NTNG1: variants seen among roughly 807,000 people sequenced by gnomAD.
NTNG1 encodes netrin G1, also known as netrin-G1.
Under a neutral mutation model 54.0 loss-of-function variants are expected in NTNG1, and 16 were observed. The observed-to-expected ratio is 0.30, with a 90% CI of 0.20 to 0.45. NTNG1 has a LOEUF of 0.45. Among genes scored for constraint, NTNG1 ranks in the 20% least tolerant of loss-of-function variants. The pLI is 1.00. For missense variants in NTNG1, 530 were observed against 678.7 expected (o/e 0.78, Z 2.43); for synonymous variants, 255 against 263.1 (o/e 0.97, Z 0.30).
chr1:107,291,332 T>C (rs899963262), intron 2 of NTNG1, among the ~76,000 whole-genome samples: 2 of 152,180 alleles, frequency 1.3e-5, no homozygotes, highest in Admixed American at 1.3e-4. Context: ...TAACCAATTC[T>C]TTATTTTATC....
Position 107,381,926 on chromosome 1 carries a change from A to G in NTNG1, c.888-13228A>G, listed in dbSNP as rs1671670142. On this transcript the variant is annotated intron_variant, in intron 3 of 7. Transcript: ENST00000370068. ...GTTTACCTTCTATCAGGTTGGCAGT[A>G]TTGTAATTAAAAGGACTTGTCTCTC... 3.3e-5 allele frequency among the ~76,000 whole-genome samples: 5 copies of G among 152,164 alleles called. No homozygotes were observed. In the South Asian group the frequency reaches 1.0e-3, roughly 32 times the overall value.
chr1:107,470,066 G>T (rs1677882239), intron 7 of NTNG1, among the ~76,000 whole-genome samples: 1 of 152,110 alleles, frequency 6.6e-6, no homozygotes, highest in Non-Finnish European at 1.5e-5. Flanking sequence ...AGCTCTGATG[G>T]TTCCATTCAC....
chr1:107,165,024 A>G (rs899797738), intron 2 of NTNG1, among the ~76,000 whole-genome samples: 1 of 152,024 alleles, frequency 6.6e-6, no homozygotes, highest in African/African-American at 2.4e-5. Flanking sequence ...GAGTGGGGTG[A>G]GTAGTTTGGC....
chr1:107,168,071 C>A (rs1655941775), intron 2 of NTNG1, among the ~76,000 whole-genome samples: 1 of 151,998 alleles, frequency 6.6e-6, no homozygotes, highest in Non-Finnish European at 1.5e-5. Context: ...CACAGTATAA[C>A]TAAAGGGAGC....
chr1:107,385,367 G>C (rs1406177817), intron 3 of NTNG1, among the ~76,000 whole-genome samples: 1 of 152,032 alleles, frequency 6.6e-6, no homozygotes, highest in African/African-American at 2.4e-5. Context: ...AGTCCATGTG[G>C]TCCTGGTCTC....
chr1:107,397,077 C>T (rs555449942), intron 4 of NTNG1, among the ~76,000 whole-genome samples: 1 of 152,332 alleles, frequency 6.6e-6, no homozygotes, highest in South Asian at 2.1e-4. Context: ...ACCCCGAATC[C>T]TTTGCATATT....
intron 3 of NTNG1, among the ~76,000 whole-genome samples, chr1:107,354,447 C>A (rs142067145): frequency 8.7e-6 from 1 of 114,660 alleles, no homozygotes; most frequent in Non-Finnish European, 1.6e-5. Context: ...CCAGCCTGGA[C>A]GACAAACTGA....
intron 2 of NTNG1, among the ~76,000 whole-genome samples, chr1:107,241,434 G>A (rs140687571): frequency 7.9e-5 from 12 of 152,272 alleles, no homozygotes; most frequent in African/African-American, 2.6e-4. Context: ...ATTGCCTTCA[G>A]TTAATGTTCT....
intron 7 of NTNG1, among the ~76,000 whole-genome samples, chr1:107,469,022 G>A (rs1399610498): frequency 2.0e-5 from 3 of 151,368 alleles, no homozygotes; most frequent in East Asian, 1.9e-4. Flanking sequence ...CTTGAATCCC[G>A]GGAGGCGGAG....
chr1:107,395,187 G>T lies in NTNG1; in HGVS notation c.921G>T (p.Val307=), dbSNP rs781616231. 1.4e-5 allele frequency: 22 copies of T among 1,613,450 alleles called. No homozygotes were observed. The highest frequency in any genetic ancestry group is 1.7e-5 in the Non-Finnish European group (20 of 1,179,550). Reference sequence around the variant, plus strand: ...GTAATCTCCATGCCACTGTATGTGTGTATGACAACAGCAAATTGACATGCG... The same window carrying T: ...GTAATCTCCATGCCACTGTATGTGTTTATGACAACAGCAAATTGACATGCG... ...CKCNLHATVC[V]YDNSKLTCEC... The change falls in exon 4 of 8, where the codon GTG becomes GTT. Residue 307 remains valine, a synonymous_variant. Coordinates refer to ENST00000370068, the MANE Select transcript of NTNG1 (RefSeq NM_001113226.3).
rs773088683 is a variant in NTNG1 at position 107,436,758 on chromosome 1, A to T, written c.1349A>T (p.Asp450Val). The T allele has an allele frequency of 1.9e-6, 3 of 1,613,388 alleles. No homozygotes were observed. In the East Asian group the frequency reaches 6.7e-5, roughly 36 times the overall value. Residue 450 changes from aspartate to valine, a missense_variant, in exon 7 of 8, where the codon GAT becomes GTT. Asp to Val is a radical substitution (Grantham distance 152, BLOSUM62 -3). Transcript: ENST00000370068. ...ACTGGAACAACAGGGCCTAAGTGTGATGAGTGTCTGCCGGGAAATTCCTGG... is the reference window on the plus strand; with the variant it reads ...ACTGGAACAACAGGGCCTAAGTGTGTTGAGTGTCTGCCGGGAAATTCCTGG... ...CKTGTTGPKC[D>V]ECLPGNSWHY...
At position 107,361,360 on chromosome 1, in the gene NTNG1, CAT is replaced by C. The variant is rs10659708; in HGVS notation, c.888-33782_888-33781del. On this transcript the variant is annotated intron_variant, in intron 3 of 7. Transcript: ENST00000370068. Reference sequence around the variant, plus strand: ...TATAATGAATATATACATTATATAACATATATATATATACATATATATATATA... The same window carrying C: ...TATAATGAATATATACATTATATAACATATATATATACATATATATATATA... Among the ~76,000 whole-genome samples, 105 of 109,328 alleles carry C rather than the reference CAT, an allele frequency of 9.6e-4. 1 individual carries two copies. The highest frequency in any genetic ancestry group is 1.4e-3 in the Non-Finnish European group (80 of 58,148). The allele number at this position is 109,328 out of a possible 152,430, so 71.7% of individuals were successfully genotyped here.
intron 2 of NTNG1, among the ~76,000 whole-genome samples, chr1:107,160,911 C>G (rs1655353468): frequency 6.6e-6 from 1 of 152,034 alleles, no homozygotes; most frequent in Admixed American, 6.6e-5. Context: ...AATGCATCCT[C>G]TGAATTTTTT....
At chr1:107,302,533 A>G (rs1314090727) in intron 2 of NTNG1, among the ~76,000 whole-genome samples, 1 of 151,956 alleles carries the variant, frequency 6.6e-6, no homozygotes, top group Non-Finnish European at 1.5e-5. Context: ...AAAATCAAAC[A>G]TTTGTGTTTG....
intron 2 of NTNG1, among the ~76,000 whole-genome samples, chr1:107,322,894 G>A (rs972499600): frequency 4.6e-5 from 7 of 151,924 alleles, no homozygotes; most frequent in Admixed American, 1.3e-4. Flanking sequence ...TTTAGGATTC[G>A]GTTACATTAA....
chr1:107,407,908 A>G, intron 5 of NTNG1, 200 bp downstream of exon 5: 1 of 735,732 alleles, frequency 1.4e-6, no homozygotes, highest in Non-Finnish European at 2.5e-6. Context: ...GCATAACTCC[A>G]TGAACATGGC....
At chr1:107,168,503 A>G (rs559011404) in intron 2 of NTNG1, among the ~76,000 whole-genome samples, 27 of 152,230 alleles carry the variant, frequency 1.8e-4, no homozygotes, top group African/African-American at 6.0e-4. Flanking sequence ...GCCCCTGTCT[A>G]CAACTGTTCA....
In NTNG1 at chr1:107,221,600, A is replaced by G. The variant is rs560470050; in HGVS notation, c.246+72761A>G. ...AGCAAAGAAAGAGCAGTAGGAATGT[A>G]CAGTGTATAATTTCTTTGGTTAGAA... On this transcript the variant is annotated intron_variant, in intron 2 of 7. Coordinates refer to ENST00000370068, the MANE Select transcript of NTNG1 (RefSeq NM_001113226.3). 5.9e-5 allele frequency among the ~76,000 whole-genome samples: 9 copies of G among 152,330 alleles called. No individual in the cohort carries two copies. In the East Asian group the frequency reaches 1.4e-3, roughly 23 times the overall value.
chr1:107,408,414 C>A (rs367906816), intron 5 of NTNG1: 2 of 153,506 alleles, frequency 1.3e-5, no homozygotes, highest in East Asian at 3.9e-4. Flanking sequence ...TTTAATAAAT[C>A]TGTTAGTATG....
Sources: gnomAD v4.1 joint callset for allele counts (sites outside exome capture counted in the v4.1 genomes callset) on GRCh38, gnomAD v4.1.1 for gene constraint, MANE v1.5 for transcripts, NCBI Gene and HGNC (gene_info 2026-07-23, HGNC 2026-07-21) for gene names.